Variants in MED30 observed in about 807,000 individuals in gnomAD.
MED30 encodes the protein mediator of RNA polymerase II transcription subunit 30.
MED30 carries 8 observed loss-of-function variants against 21.7 expected under a neutral mutation model. That is an observed-to-expected ratio of 0.37 (90% CI 0.22 to 0.67). The LOEUF is 0.67. MED30 is among the 30% of genes least tolerant of loss of function. MED30 has a pLI of 0.58. For synonymous variants in MED30, 79 were observed against 86.7 expected (o/e 0.91, Z 0.49); for missense variants, 203 against 228.2 (o/e 0.89, Z 0.71).
chr8:117,538,661 T>TAAAC (rs1347613435), intron 3 of MED30, among the ~76,000 whole-genome samples: 1 of 152,182 alleles, frequency 6.6e-6, no homozygotes, highest in African/African-American at 2.4e-5. Flanking sequence ...TTATAACTAG[T>TAAAC]AAACACTCTG....
rs371517692 is a variant in MED30 at position 117,527,074 on chromosome 8, G to T, written c.178-1577G>T. Among the ~76,000 whole-genome samples the T allele has an allele frequency of 5.9e-5, 9 of 151,996 alleles. No individual in the cohort carries two copies. The East Asian group carries it at 1.5e-3, about 26-fold the overall frequency. On this transcript the variant is annotated intron_variant, in intron 1 of 3. Transcript: ENST00000297347. ...AGTCTTTACTAAGTAGAAAATATGGGCAAAGTATTAAACCCCATAATGCCA... is the reference window on the plus strand; with the variant it reads ...AGTCTTTACTAAGTAGAAAATATGGTCAAAGTATTAAACCCCATAATGCCA...
intron 3 of MED30, among the ~76,000 whole-genome samples, chr8:117,537,098 A>G (rs1358073195): frequency 6.6e-6 from 1 of 152,228 alleles, no homozygotes; most frequent in East Asian, 1.9e-4. Flanking sequence ...GTAAAATGAA[A>G]TTGAAAAAGA....
chr8:117,522,661 C>CT (rs201678331), intron 1 of MED30, among the ~76,000 whole-genome samples: 66 of 148,150 alleles, frequency 4.5e-4, no homozygotes, highest in Non-Finnish European at 7.8e-4. Context: ...CTGGTCAAGA[C>CT]TTTTTTTTTC....
intron 1 of MED30, among the ~76,000 whole-genome samples, chr8:117,524,624 A>C (rs1818691608): frequency 6.6e-6 from 1 of 152,318 alleles, no homozygotes; most frequent in East Asian, 1.9e-4. Context: ...TTTAAAATAC[A>C]TAGTACATTC....
chr8:117,537,048 C>T (rs1329190165), intron 3 of MED30, among the ~76,000 whole-genome samples: 4 of 152,190 alleles, frequency 2.6e-5, no homozygotes, highest in African/African-American at 7.2e-5. Flanking sequence ...TTGGGGACAT[C>T]AGAATGAGTT....
In MED30 at chr8:117,520,886, C is replaced by T. The variant is rs1169158999; in HGVS notation, c.10C>T (p.Pro4Ser). MST[P>S]PLAASGMAPG... is the part of the protein sequence containing the mutation. ...AAGCTGCAGCCGCGCCATGTCCACC[C>T]CTCCGTTGGCCGCGTCGGGGATGGC... Residue 4 changes from proline to serine, a missense_variant, in exon 1 of 4, where the codon CCT (proline) becomes TCT (serine). Pro to Ser is a moderately conservative substitution (Grantham distance 74). Transcript: ENST00000297347. The T allele has an allele frequency of 6.3e-7, 1 of 1,599,130 alleles. No individual in the cohort carries two copies. The highest frequency in any genetic ancestry group is 1.3e-5 in the African/African-American group (1 of 74,592).
chr8:117,536,792 C>T (rs1818885175), intron 3 of MED30, among the ~76,000 whole-genome samples: 1 of 152,180 alleles, frequency 6.6e-6, no homozygotes, highest in African/African-American at 2.4e-5. Context: ...TTGTTTGAGA[C>T]CATATGCTTT....
chr8:117,530,661 T>C, intron 2 of MED30, 62 bp from the exon 3 acceptor site: 3 of 1,177,538 alleles, frequency 2.5e-6, no homozygotes, highest in Middle Eastern at 1.9e-4. Context: ...ATATTCTCTA[T>C]ACAAGTGATT....
At position 117,520,899 on chromosome 8, in the gene MED30, C is replaced by T; in HGVS notation, c.23C>T (p.Ala8Val). 1.9e-6 allele frequency: 3 copies of T among 1,605,368 alleles called. No homozygotes were observed. The highest frequency in any genetic ancestry group is 2.6e-6 in the Non-Finnish European group (3 of 1,176,380). ...GCCATGTCCACCCCTCCGTTGGCCGCGTCGGGGATGGCGCCCGGGCCCTTC... is the reference window on the plus strand; with the variant it reads ...GCCATGTCCACCCCTCCGTTGGCCGTGTCGGGGATGGCGCCCGGGCCCTTC... MSTPPLA[A>V]SGMAPGPFAG... The change falls in exon 1 of 4, where the codon GCG becomes GTG. Residue 8 changes from alanine to valine, a missense_variant. Coordinates refer to ENST00000297347, the MANE Select transcript of MED30 (RefSeq NM_080651.4).
At position 117,540,232 on chromosome 8, in the gene MED30, A is replaced by T. The variant is rs1200668685; in HGVS notation, c.*254A>T. The T allele has an allele frequency of 4.4e-6, 1 of 226,108 alleles. No homozygotes were observed. Among genetic ancestry groups the T allele is most frequent in the African/African-American group, 2.3e-5 (1 of 43,422 alleles). 14.0% of individuals were successfully genotyped at this position (226,108 alleles called of 1,614,324 possible). A position where few individuals can be genotyped will look rare whatever the true frequency, so the allele number is the denominator to read the frequency against. ...ATGAATTGAATAATTGTTTTTTTAA[A>T]GCAAAATAAAGTTTTTTAAATAAAT... On this transcript the variant is annotated 3_prime_UTR_variant, in exon 4 of 4. Transcript: ENST00000297347.
In MED30 at chr8:117,531,772, A is replaced by C. The variant is rs192605443; in HGVS notation, c.441+945A>C. Among the ~76,000 whole-genome samples, 224 of 152,162 alleles carry C rather than the reference A, an allele frequency of 1.5e-3. 1 individual carries two copies. The highest frequency in any genetic ancestry group is 5.0e-3 in the South Asian group (24 of 4,828). ...TGAAATATAGAAATATCCTTATTAA[A>C]AACAAGCATGAAATAAGATACTTTA... On this transcript the variant is annotated intron_variant, in intron 3 of 3. Coordinates refer to ENST00000297347, the MANE Select transcript of MED30 (RefSeq NM_080651.4).
In MED30 at chr8:117,528,734, T is replaced by G. The variant is rs767959139; in HGVS notation, c.261T>G (p.Val87=). 1 of 1,611,752 alleles carries G rather than the reference T, an allele frequency of 6.2e-7. No individual in the cohort carries two copies. The highest frequency in any genetic ancestry group is 8.5e-7 in the Non-Finnish European group (1 of 1,178,654). ...KLQDNLRQLS[V]LFRKLRLVYD... is the part of the protein sequence containing the mutation. ...AGGATAATCTTCGCCAACTTTCAGT[T>G]CTCTTCAGGAAGCTGAGATTGGTAT... The change falls in exon 2 of 4, where the codon GTT becomes GTG. Residue 87 remains valine (V), a synonymous_variant. Transcript: ENST00000297347.
intron 3 of MED30, among the ~76,000 whole-genome samples, chr8:117,538,682 C>T (rs547384486): frequency 6.6e-6 from 1 of 152,152 alleles, no homozygotes; most frequent in East Asian, 1.9e-4. Flanking sequence ...ACCAGAAGTT[C>T]TCTATTTCTA....
chr8:117,523,791 G>A (rs534816476), intron 1 of MED30: 5 of 740,584 alleles, frequency 6.8e-6, no homozygotes, highest in Non-Finnish European at 1.1e-5. Context: ...GGCGGATCAC[G>A]AGGTCAGGAA....
chr8:117,533,732 A>G (rs1818824132), intron 3 of MED30, among the ~76,000 whole-genome samples: 1 of 152,152 alleles, frequency 6.6e-6, no homozygotes, highest in Non-Finnish European at 1.5e-5. Flanking sequence ...CATGGTTCTC[A>G]TCCCACCCTC....
At position 117,527,371 on chromosome 8, in the gene MED30, T is replaced by G. The variant is rs544845485; in HGVS notation, c.178-1280T>G. ...AGGCATTGTAGACTGTTTTAATGCT[T>G]GAGAATTTCTGAAACTCCTAATAAT... is the stretch of plus-strand genomic sequence containing the variant. On this transcript the variant is annotated intron_variant, in intron 1 of 3. Transcript: ENST00000297347. 2.6e-5 allele frequency among the ~76,000 whole-genome samples: 4 copies of G among 152,084 alleles called. No individual in the cohort carries two copies. In the South Asian group the frequency reaches 8.3e-4, roughly 32 times the overall value.
rs562447904 is a variant in MED30 at position 117,527,111 on chromosome 8, C to G, written c.178-1540C>G. 2.6e-5 allele frequency among the ~76,000 whole-genome samples: 4 copies of G among 151,996 alleles called. No homozygotes were observed. In the East Asian group the frequency reaches 5.8e-4, roughly 22 times the overall value. On this transcript the variant is annotated intron_variant, in intron 1 of 3. Coordinates refer to ENST00000297347, the MANE Select transcript of MED30 (RefSeq NM_080651.4). ...ACCCCATAATGCCATAATAAAGGTA[C>G]AGAGTGCTGTTCTAGGCAAGACATA... is the stretch of plus-strand genomic sequence containing the variant.
intron 1 of MED30, among the ~76,000 whole-genome samples, chr8:117,524,732 G>C (rs2130810249): frequency 6.6e-6 from 1 of 152,236 alleles, no homozygotes; most frequent in Non-Finnish European, 1.5e-5. Flanking sequence ...GGCAGTGATT[G>C]TGACTGATTC....
intron 3 of MED30, among the ~76,000 whole-genome samples, chr8:117,537,590 GA>G (rs1199034434): frequency 6.6e-6 from 1 of 151,904 alleles, no homozygotes; most frequent in African/African-American, 2.4e-5. Context: ...ATATTATCTT[GA>G]AAATACCCTA....
Sources: allele counts gnomAD v4.1 joint callset (sites outside exome capture counted in the v4.1 genomes callset), GRCh38; gene constraint gnomAD v4.1.1; transcripts MANE v1.5; gene names NCBI Gene and HGNC (gene_info 2026-07-23, HGNC 2026-07-21).